Variants in SPHKAP observed in about 807,000 individuals in gnomAD.
SPHKAP encodes SPHK1 interactor, AKAP domain containing.
In SPHKAP, 67 loss-of-function variants were observed where a neutral mutation model predicts 137.5. The ratio of observed to expected loss-of-function variants is 0.49; its 90% CI spans 0.40 to 0.60. The LOEUF (loss-of-function observed/expected upper bound fraction) is 0.60. Ranked by LOEUF, SPHKAP falls within the 20% of genes least tolerant of loss-of-function variation. The pLI is 0.00. For synonymous variants in SPHKAP, 813 were observed against 785.3 expected (o/e 1.04, Z -0.59); for missense variants, 2,097 against 2,069.3 (o/e 1.01, Z -0.26).
intron 1 of SPHKAP, chr2:228,132,595 TC>T: frequency 1.7e-6 from 1 of 590,218 alleles, no homozygotes. Flanking sequence ...TGGAGATAGC[TC>T]CTCAAATTCT....
At chr2:228,073,713 C>A (rs180955609) in intron 3 of SPHKAP, among the ~76,000 whole-genome samples, 1 of 152,338 alleles carries the variant, frequency 6.6e-6, no homozygotes, top group Admixed American at 6.5e-5. Flanking sequence ...CTGGTGAACC[C>A]TTAAACCACT....
At chr2:228,061,398 G>A (rs1696628166) in intron 3 of SPHKAP, among the ~76,000 whole-genome samples, 1 of 151,974 alleles carries the variant, frequency 6.6e-6, no homozygotes, top group Non-Finnish European at 1.5e-5. Flanking sequence ...TGAGTAGCTG[G>A]AACTACTAAC....
At chr2:228,090,015 C>T (rs1315158322) in intron 3 of SPHKAP, among the ~76,000 whole-genome samples, 1 of 152,196 alleles carries the variant, frequency 6.6e-6, no homozygotes, top group Non-Finnish European at 1.5e-5. Flanking sequence ...CACCAAGGAA[C>T]TGCCTAATGG....
At chr2:228,151,774 T>G (rs1699940605) in intron 1 of SPHKAP, among the ~76,000 whole-genome samples, 1 of 152,176 alleles carries the variant, frequency 6.6e-6, no homozygotes, top group African/African-American at 2.4e-5. Context: ...TTCTTTACTT[T>G]CTTTGGAGTT....
intron 7 of SPHKAP, among the ~76,000 whole-genome samples, chr2:228,011,007 G>A (rs1055831760): frequency 3.9e-5 from 6 of 152,110 alleles, no homozygotes; most frequent in Admixed American, 1.3e-4. Flanking sequence ...AATCCTTTAA[G>A]ACTGGGCTTA....
chr2:228,132,131 C>A (rs1429023664), intron 1 of SPHKAP, 46 bp from the exon 2 acceptor site: 1 of 1,455,784 alleles, frequency 6.9e-7, no homozygotes. Context: ...TGAGTCATAT[C>A]TATATTTGGA....
intron 1 of SPHKAP, among the ~76,000 whole-genome samples, chr2:228,167,143 A>C (rs1020038956): frequency 2.0e-5 from 3 of 152,184 alleles, no homozygotes; most frequent in Non-Finnish European, 4.4e-5. Flanking sequence ...TTGGGTGGGG[A>C]CATACATCCA....
intron 3 of SPHKAP, among the ~76,000 whole-genome samples, chr2:228,105,448 T>C (rs1251643374): frequency 6.6e-6 from 1 of 152,138 alleles, no homozygotes; most frequent in Non-Finnish European, 1.5e-5. Flanking sequence ...AAAAATGCCA[T>C]GAAGGTTAGT....
rs572011357 is a variant in SPHKAP, at chr2:228,136,814, G to A, written c.33-4729C>T. Among the ~76,000 whole-genome samples, 295 of 152,268 alleles carry A rather than the reference G, an allele frequency of 1.9e-3. 2 individuals carry two copies. Among genetic ancestry groups the A allele is most frequent in the African/African-American group, 6.9e-3 (285 of 41,558 alleles). On this transcript the variant is annotated intron_variant, in intron 1 of 11. Coordinates refer to ENST00000392056, the MANE Select transcript of SPHKAP (RefSeq NM_001142644.2). ...TTCTGATACTGAGAAAAATAGATCA[G>A]AGTAAAAGAGATGGGGCAAACAGAG...
chr2:228,144,196 C>T (rs1039676077), intron 1 of SPHKAP, among the ~76,000 whole-genome samples: 1 of 152,190 alleles, frequency 6.6e-6, no homozygotes, highest in Non-Finnish European at 1.5e-5. Flanking sequence ...TGCCCAGTCT[C>T]TCCCACCCTG....
chr2:228,020,271 T>A, intron 6 of SPHKAP, 115 bp from the exon 7 acceptor site: 1 of 1,412,294 alleles, frequency 7.1e-7, no homozygotes, highest in East Asian at 2.3e-5. Context: ...TGCACACATA[T>A]GTTTATTGCA....
chr2:228,163,478 C>T (rs1181281751), intron 1 of SPHKAP, among the ~76,000 whole-genome samples: 2 of 152,174 alleles, frequency 1.3e-5, no homozygotes. Context: ...CCACTACCAG[C>T]TCCTCCTCCT....
chr2:227,991,163 G>C lies in SPHKAP; in HGVS notation c.4796C>G (p.Thr1599Arg). The part of the protein sequence containing the change: ...STEAPASGPP[T>R]GTASPQRSLL... ...GCTCCTCTGGGGGCTGGCTGTTCCC[G>C]TAGGCGGTCCAGATGCAGGTGCTGA... The change falls in exon 11 of 12, where the codon ACG becomes AGG. Residue 1599 changes from threonine to arginine, a missense_variant. Physicochemically the swap from Thr to Arg is moderately conservative, Grantham distance 71. Transcript: ENST00000392056. The C allele has an allele frequency of 6.2e-7, 1 of 1,614,034 alleles. No individual in the cohort carries two copies. Among genetic ancestry groups the C allele is most frequent in the South Asian group, 1.1e-5 (1 of 91,074 alleles).
At chr2:228,154,512 C>CTCTCTATATA (rs1393941364) in intron 1 of SPHKAP, among the ~76,000 whole-genome samples, 69 of 22,056 alleles carry the variant, frequency 3.1e-3, no homozygotes, top group East Asian at 0.014. Context: ...CTCTCTCTCT[C>CTCTCTATATA]TATATATATA....
intron 3 of SPHKAP, 94 bp downstream of exon 3, chr2:228,108,738 T>G: frequency 1.2e-6 from 1 of 809,842 alleles, no homozygotes. Context: ...AACTTGGTAT[T>G]TAATGAATTA....
chr2:228,018,729 T>C lies in SPHKAP; in HGVS notation c.2125A>G (p.Thr709Ala). ...SEILDTLMES[T>A]NQLLLDVICF... ...ATCACATCTAAAAGCAGTTGATTTGTACTTTCCATTAAGGTGTCCAGAATT... is the reference window on the plus strand; with the variant it reads ...ATCACATCTAAAAGCAGTTGATTTGCACTTTCCATTAAGGTGTCCAGAATT... The change falls in exon 7 of 12, where the codon ACA becomes GCA. Residue 709 changes from threonine to alanine, a missense_variant. Transcript: ENST00000392056. 6.2e-7 allele frequency: 1 copy of C among 1,614,240 alleles called. No homozygotes were observed. Among genetic ancestry groups the C allele is most frequent in the African/African-American group, 1.3e-5 (1 of 75,062 alleles).
rs201962861 is a variant in SPHKAP, at chr2:228,022,202, C to T, written c.442-236G>A. ...AGGGAAAAATAGATCGGCTGTATCA[C>T]ATATTTTAATTTCCCTTGGTCAAAG... On this transcript the variant is annotated intron_variant, in intron 5 of 11. Coordinates refer to ENST00000392056, the MANE Select transcript of SPHKAP (RefSeq NM_001142644.2). The T allele has an allele frequency of 4.1e-6, 4 of 985,238 alleles. No individual in the cohort carries two copies. The East Asian group carries it at 4.5e-4, about 112-fold the overall frequency. The allele number at this position is 985,238 out of a possible 1,614,324, so 61.0% of individuals were successfully genotyped here.
rs569730799 is a variant in SPHKAP at position 228,101,938 on chromosome 2, C to G, written c.246+6894G>C. ...AAAATTATCCTCCAGAAAGATTATA[C>G]AACTTTATCAACTTATACTCCCCCT... On this transcript the variant is annotated intron_variant, in intron 3 of 11. Transcript: ENST00000392056. 3.9e-5 allele frequency among the ~76,000 whole-genome samples: 6 copies of G among 152,322 alleles called. No individual in the cohort carries two copies. In the South Asian group the frequency reaches 1.2e-3, roughly 32 times the overall value.
intron 1 of SPHKAP, among the ~76,000 whole-genome samples, chr2:228,139,302 T>C (rs1353230398): frequency 3.3e-5 from 5 of 152,172 alleles, no homozygotes; most frequent in Non-Finnish European, 7.4e-5. Flanking sequence ...CAACTCTAAA[T>C]CTATCAGATA....
Sources: allele counts gnomAD v4.1 joint callset (sites outside exome capture counted in the v4.1 genomes callset), GRCh38; gene constraint gnomAD v4.1.1; transcripts MANE v1.5; gene names NCBI Gene and HGNC (gene_info 2026-07-23, HGNC 2026-07-21).